Variants in ANK2 observed in about 807,000 individuals in gnomAD.
ANK2 encodes ankyrin 2, also known as ankyrin-2.
In ANK2, 83 loss-of-function variants were observed where a neutral mutation model predicts 360.5. The observed-to-expected ratio is 0.23, with a 90% CI of 0.19 to 0.28. ANK2 has a LOEUF of 0.28. Ranked by LOEUF, ANK2 falls within the 10% of genes least tolerant of loss-of-function variation. The probability of loss-of-function intolerance (pLI) is 1.00; values close to 1 mark genes in which losing one functional copy is unlikely to be tolerated. For missense variants in ANK2, 4,201 were observed against 4,795.7 expected (o/e 0.88, Z 3.66); for synonymous variants, 1,740 against 1,759.5 (o/e 0.99, Z 0.28).
chr4:112,822,952 G>GTAAATGTTGGA, intron 1 of ANK2, among the ~76,000 whole-genome samples: 1 of 151,964 alleles, frequency 6.6e-6, no homozygotes, highest in Non-Finnish European at 1.5e-5. Context: ...AGATTTAAAA[G>GTAAATGTTGGA]GTAATCCAAC....
intron 2 of ANK2, among the ~76,000 whole-genome samples, chr4:112,918,193 C>T (rs112854510): frequency 0.012 from 1,842 of 152,168 alleles, 36 homozygotes; most frequent in African/African-American, 0.041. Flanking sequence ...GGGGCAGCTT[C>T]CTGGAAAAGT....
intron 2 of ANK2, among the ~76,000 whole-genome samples, chr4:113,033,349 C>A (rs545301403): frequency 4.1e-4 from 63 of 151,980 alleles, no homozygotes; most frequent in African/African-American, 1.4e-3. Context: ...AGTGGTCGAT[C>A]CAGGAATGGG....
At chr4:112,991,196 C>A (rs770462424) in intron 2 of ANK2, among the ~76,000 whole-genome samples, 4 of 140,862 alleles carry the variant, frequency 2.8e-5, no homozygotes, top group Non-Finnish European at 6.0e-5. Flanking sequence ...TGCAGTGAGC[C>A]GTGATTGCGC....
the ANK2 span, among the ~76,000 whole-genome samples, chr4:112,801,316 G>A: frequency 1.4e-4 from 21 of 152,194 alleles, no homozygotes; most frequent in Non-Finnish European, 2.8e-4. Context: ...CCTTCCTGAA[G>A]ATAAATGTAT....
At chr4:112,713,747 C>T in the ANK2 span, among the ~76,000 whole-genome samples, 1 of 151,472 alleles carries the variant, frequency 6.6e-6, no homozygotes, top group East Asian at 2.0e-4. Context: ...CTGGCTAACA[C>T]AGTGAAACCC....
chr4:113,211,171 T>C (rs2099016754), intron 4 of ANK2, among the ~76,000 whole-genome samples: 1 of 152,206 alleles, frequency 6.6e-6, no homozygotes, highest in East Asian at 1.9e-4. Flanking sequence ...TTGGAACTTC[T>C]ATTCACAGAC....
chr4:112,837,559 T>C (rs1235932021), intron 1 of ANK2, among the ~76,000 whole-genome samples: 1 of 152,198 alleles, frequency 6.6e-6, no homozygotes, highest in Admixed American at 6.5e-5. Context: ...CCTGGAAAAG[T>C]GCAGGCACTC....
At chr4:113,252,645 C>A (rs369456157) in intron 10 of ANK2, among the ~76,000 whole-genome samples, 36 of 152,288 alleles carry the variant, frequency 2.4e-4, no homozygotes, top group Middle Eastern at 6.8e-3. Flanking sequence ...CTTCAGAACC[C>A]CAATTCCGAA....
At chr4:112,847,520 C>G (rs771484827) in intron 1 of ANK2, among the ~76,000 whole-genome samples, 1 of 152,104 alleles carries the variant, frequency 6.6e-6, no homozygotes, top group Non-Finnish European at 1.5e-5. Flanking sequence ...TGGTCTTCAG[C>G]GCAAAAATTG....
the ANK2 span, among the ~76,000 whole-genome samples, chr4:112,776,908 C>T: frequency 6.6e-6 from 1 of 152,164 alleles, no homozygotes; most frequent in Non-Finnish European, 1.5e-5. Flanking sequence ...ACCCATTTCA[C>T]ACAACCCTCT....
intron 1 of ANK2, among the ~76,000 whole-genome samples, chr4:113,146,295 G>A (rs1416781151): frequency 5.3e-5 from 8 of 152,168 alleles, no homozygotes; most frequent in African/African-American, 9.7e-5. Flanking sequence ...GTGGACATAC[G>A]TATTATTATA....
chr4:113,113,810 A>T (rs901073559), intron 1 of ANK2, among the ~76,000 whole-genome samples: 5 of 152,150 alleles, frequency 3.3e-5, no homozygotes, highest in Non-Finnish European at 7.3e-5. Context: ...TTCCTCAGAG[A>T]ACTGATACCA....
chr4:113,226,594 G>GA (rs1215259148), intron 4 of ANK2, among the ~76,000 whole-genome samples: 1 of 152,150 alleles, frequency 6.6e-6, no homozygotes, highest in Admixed American at 6.5e-5. Flanking sequence ...GTGTAATACA[G>GA]AATTTTGCTA....
At chr4:113,364,339 G>T (rs1164433986) in intron 40 of ANK2, among the ~76,000 whole-genome samples, 1 of 152,186 alleles carries the variant, frequency 6.6e-6, no homozygotes, top group Non-Finnish European at 1.5e-5. Context: ...ATCTATCAAT[G>T]ATGTTGAGTG....
chr4:112,747,812 G>A, the ANK2 span, among the ~76,000 whole-genome samples: 1 of 152,246 alleles, frequency 6.6e-6, no homozygotes, highest in East Asian at 1.9e-4. Context: ...GGTTGGAAAG[G>A]AGAAATATTG....
At chr4:113,169,644 CTGGT>C (rs374936236) in intron 1 of ANK2, among the ~76,000 whole-genome samples, 226 of 152,234 alleles carry the variant, frequency 1.5e-3, no homozygotes, top group African/African-American at 5.2e-3. Context: ...GTAGGGACTG[CTGGT>C]TGGGTCACCG....
intron 2 of ANK2, among the ~76,000 whole-genome samples, chr4:112,949,487 C>T (rs2094789297): frequency 6.6e-6 from 1 of 152,106 alleles, no homozygotes; most frequent in African/African-American, 2.4e-5. Flanking sequence ...GACTTGTTAA[C>T]TCAGTTTGGG....
At chr4:112,827,823 A>G (rs2058728591) in intron 1 of ANK2, among the ~76,000 whole-genome samples, 1 of 152,182 alleles carries the variant, frequency 6.6e-6, no homozygotes, top group Admixed American at 6.5e-5. Context: ...CACTATTCCT[A>G]TCTAAGTGAC....
intron 2 of ANK2, among the ~76,000 whole-genome samples, chr4:113,002,367 G>A (rs2051065190): frequency 6.6e-6 from 1 of 152,198 alleles, no homozygotes; most frequent in South Asian, 2.1e-4. Context: ...ATACACCATG[G>A]AATACTATGC....
Sources: gnomAD v4.1 joint callset for allele counts (sites outside exome capture counted in the v4.1 genomes callset) on GRCh38, gnomAD v4.1.1 for gene constraint, MANE v1.5 for transcripts, NCBI Gene and HGNC (gene_info 2026-07-23, HGNC 2026-07-21) for gene names.